Variants in BABAM2 observed in about 807,000 individuals in gnomAD.
BABAM2 encodes the protein BRISC and BRCA1-A complex member 2.
BABAM2 carries 31 observed loss-of-function variants against 54.7 expected under a neutral mutation model. The observed-to-expected ratio is 0.57, with a 90% confidence interval of 0.43 to 0.77. The LOEUF is 0.77. Ranked by LOEUF, BABAM2 falls within the 30% of genes least tolerant of loss-of-function variation. The pLI is 0.00. For synonymous variants in BABAM2, 167 were observed against 162.9 expected (o/e 1.03, Z -0.19); for missense variants, 364 against 455.8 (o/e 0.80, Z 1.83).
intron 4 of BABAM2, among the ~76,000 whole-genome samples, chr2:27,989,710 T>C (rs181556473): frequency 6.6e-6 from 1 of 152,164 alleles, no homozygotes; most frequent in Admixed American, 6.5e-5. Flanking sequence ...TTGTAAAAAT[T>C]CAGTGGAGGG....
chr2:28,082,436 T>G (rs1015065344), intron 6 of BABAM2, among the ~76,000 whole-genome samples: 1 of 152,238 alleles, frequency 6.6e-6, no homozygotes, highest in Non-Finnish European at 1.5e-5. Context: ...CAGTTACCCT[T>G]GAGTTCCAGT....
intron 11 of BABAM2, chr2:28,310,017 A>C: frequency 6.1e-6 from 9 of 1,487,030 alleles, no homozygotes; most frequent in Middle Eastern, 1.7e-4. Flanking sequence ...ATAACGTGGA[A>C]TTATTGGATC....
intron 10 of BABAM2, among the ~76,000 whole-genome samples, chr2:28,288,914 G>T (rs917580034): frequency 1.3e-5 from 2 of 151,168 alleles, no homozygotes; most frequent in Non-Finnish European, 2.9e-5. Context: ...GAGCTCAAGG[G>T]CATGGACACC....
chr2:28,023,843 T>C (rs1675447148), intron 4 of BABAM2, among the ~76,000 whole-genome samples: 2 of 152,212 alleles, frequency 1.3e-5, no homozygotes, highest in African/African-American at 2.4e-5. Flanking sequence ...TAAAGTAGTG[T>C]TGATGGTTCT....
chr2:28,234,919 A>AATGCCT (rs1399400101), intron 7 of BABAM2, among the ~76,000 whole-genome samples: 2 of 152,254 alleles, frequency 1.3e-5, no homozygotes, highest in African/African-American at 4.8e-5. Flanking sequence ...AATCTAATCC[A>AATGCCT]ATGCCTACTC....
chr2:27,900,180 C>T (rs1179410725), intron 2 of BABAM2, among the ~76,000 whole-genome samples: 1 of 151,960 alleles, frequency 6.6e-6, no homozygotes, highest in Non-Finnish European at 1.5e-5. Flanking sequence ...TCTATTAACT[C>T]GAAGAGGTAT....
intron 4 of BABAM2, among the ~76,000 whole-genome samples, chr2:28,008,887 C>T (rs1055641866): frequency 1.3e-5 from 2 of 152,090 alleles, no homozygotes; most frequent in Non-Finnish European, 2.9e-5. Flanking sequence ...AGATGTTCTT[C>T]CCCCCTGGAT....
chr2:28,197,396 A>C (rs1282513629), intron 7 of BABAM2, among the ~76,000 whole-genome samples: 2 of 152,232 alleles, frequency 1.3e-5, no homozygotes, highest in Non-Finnish European at 2.9e-5. Flanking sequence ...TTATGAAATC[A>C]TAAAACAGAG....
intron 3 of BABAM2, among the ~76,000 whole-genome samples, chr2:27,945,694 C>T (rs1244801833): frequency 6.6e-6 from 1 of 152,022 alleles, no homozygotes; most frequent in Non-Finnish European, 1.5e-5. Context: ...CTTTTAATTG[C>T]TCTGAGCAGT....
chr2:27,896,838 C>T (rs1302939172), intron 2 of BABAM2: 5 of 213,812 alleles, frequency 2.3e-5, no homozygotes, highest in African/African-American at 2.4e-5. Flanking sequence ...CAGCTGGGTC[C>T]GCCATTGCTT....
intron 8 of BABAM2, among the ~76,000 whole-genome samples, chr2:28,239,825 G>A (rs1682247950): frequency 6.6e-6 from 1 of 152,196 alleles, no homozygotes; most frequent in Non-Finnish European, 1.5e-5. Context: ...AAGGTTGATG[G>A]GAAACTAGGT....
chr2:27,925,087 T>A (rs1464050638), intron 2 of BABAM2, among the ~76,000 whole-genome samples: 1 of 152,180 alleles, frequency 6.6e-6, no homozygotes, highest in Non-Finnish European at 1.5e-5. Flanking sequence ...AATTTTGACT[T>A]GAGTGTGCTT....
intron 3 of BABAM2, among the ~76,000 whole-genome samples, chr2:27,964,073 A>C (rs969579893): frequency 6.6e-6 from 1 of 152,212 alleles, no homozygotes; most frequent in Admixed American, 6.5e-5. Flanking sequence ...GATCATGAAG[A>C]TGGATGGATT....
intron 9 of BABAM2, among the ~76,000 whole-genome samples, chr2:28,243,988 A>C (rs1009690310): frequency 6.6e-6 from 1 of 152,192 alleles, no homozygotes; most frequent in African/African-American, 2.4e-5. Flanking sequence ...TAGTGTGGTT[A>C]GTATTGTCAC....
intron 7 of BABAM2, among the ~76,000 whole-genome samples, chr2:28,152,908 G>C (rs777957045): frequency 6.6e-6 from 1 of 152,136 alleles, no homozygotes; most frequent in South Asian, 2.1e-4. Context: ...CTTGCCAGTG[G>C]TTCAGTCTTT....
At chr2:28,309,432 T>C (rs1688864401) in intron 11 of BABAM2, 2 of 152,178 alleles carry the variant, frequency 1.3e-5, no homozygotes, top group East Asian at 1.9e-4. Flanking sequence ...TTCACAATCC[T>C]GGGGATTACA....
intron 9 of BABAM2, among the ~76,000 whole-genome samples, chr2:28,243,219 A>G (rs924971636): frequency 3.3e-5 from 5 of 152,098 alleles, no homozygotes; most frequent in African/African-American, 4.8e-5. Context: ...TCAGCACTAT[A>G]ACATTATTGG....
chr2:28,121,798 A>C (rs1319016794), intron 6 of BABAM2, among the ~76,000 whole-genome samples: 2 of 152,126 alleles, frequency 1.3e-5, no homozygotes, highest in Non-Finnish European at 2.9e-5. Flanking sequence ...ACTTGAAAAA[A>C]CTTGATTAAA....
Position 28,247,374 on chromosome 2 carries a change from G to A in BABAM2, c.934+2512G>A, listed in dbSNP as rs375257529. On this transcript the variant is annotated intron_variant, in intron 10 of 11. Coordinates refer to ENST00000379624, the MANE Select transcript of BABAM2 (RefSeq NM_199191.3). ...TCTAAAATATAGGACTTGCTACCTC[G>A]GAGTGAAGCTTGGTTAGATAATGTG... is the stretch of plus-strand genomic sequence containing the variant. Among the ~76,000 whole-genome samples, 27 of 152,180 alleles carry A rather than the reference G, an allele frequency of 1.8e-4. 1 individual carries two copies. Among genetic ancestry groups the A allele is most frequent in the African/African-American group, 5.5e-4 (23 of 41,544 alleles).
Sources: allele counts gnomAD v4.1 joint callset (sites outside exome capture counted in the v4.1 genomes callset), GRCh38; gene constraint gnomAD v4.1.1; transcripts MANE v1.5; gene names NCBI Gene and HGNC (gene_info 2026-07-23, HGNC 2026-07-21).